The following NCKAP5 variants were observed in gnomAD, a reference collection of about 807,000 sequenced individuals.
NCKAP5 encodes nck-associated protein 5.
NCKAP5 carries 92 observed loss-of-function variants against 167.0 expected under a neutral mutation model. The observed-to-expected ratio is 0.55, with a 90% CI of 0.47 to 0.66. The LOEUF is 0.66. Ranked by LOEUF, NCKAP5 falls within the 30% of genes least tolerant of loss-of-function variation. NCKAP5 has a pLI of 0.00. For synonymous variants in NCKAP5, 891 were observed against 877.4 expected, an observed-to-expected ratio of 1.02 and a Z score of -0.27; for missense variants, 2,378 against 2,315.0, an observed-to-expected ratio of 1.03 and a Z score of -0.56.
At chr2:133,363,692 T>C (rs937312277) in intron 3 of NCKAP5, among the ~76,000 whole-genome samples, 8 of 152,176 alleles carry the variant, frequency 5.3e-5, no homozygotes, top group African/African-American at 1.9e-4. Flanking sequence ...AATATTTTCA[T>C]GTTAAAGACA....
At chr2:133,220,133 C>A (rs142858127) in intron 4 of NCKAP5, among the ~76,000 whole-genome samples, 1 of 152,304 alleles carries the variant, frequency 6.6e-6, no homozygotes, top group East Asian at 1.9e-4. Context: ...ACCCTTGCTC[C>A]CATTTAAAGG....
At chr2:132,690,548 C>T (rs549118520) in intron 19 of NCKAP5, among the ~76,000 whole-genome samples, 1 of 152,172 alleles carries the variant, frequency 6.6e-6, no homozygotes, top group African/African-American at 2.4e-5. Flanking sequence ...TTGCTTGTAT[C>T]AATTAGCCTC....
chr2:133,447,427 T>C (rs1202624755), intron 3 of NCKAP5, among the ~76,000 whole-genome samples: 1 of 150,760 alleles, frequency 6.6e-6, no homozygotes, highest in Non-Finnish European at 1.5e-5. Flanking sequence ...CTTCCCTTTC[T>C]TTTTATTTCC....
intron 2 of NCKAP5, among the ~76,000 whole-genome samples, chr2:133,528,342 TGTAG>T (rs563144469): frequency 1.5e-4 from 23 of 151,188 alleles, no homozygotes; most frequent in African/African-American, 5.6e-4. Context: ...TTTTCCCATG[TGTAG>T]GTTGTTTCTT....
At chr2:133,652,879 T>C in the NCKAP5 span, among the ~76,000 whole-genome samples, 1 of 152,250 alleles carries the variant, frequency 6.6e-6, no homozygotes, top group Non-Finnish European at 1.5e-5. Flanking sequence ...ACACTGACTT[T>C]GTTCTATCCC....
At chr2:133,192,583 C>T (rs561542901) in intron 5 of NCKAP5, among the ~76,000 whole-genome samples, 44 of 151,724 alleles carry the variant, frequency 2.9e-4, no homozygotes, top group African/African-American at 1.0e-3. Flanking sequence ...AATTAGAAAA[C>T]GGGCAAAAAG....
chr2:133,542,800 T>C (rs967195004), intron 2 of NCKAP5, among the ~76,000 whole-genome samples: 1 of 152,218 alleles, frequency 6.6e-6, no homozygotes, highest in African/African-American at 2.4e-5. Flanking sequence ...GAAGGTCTTC[T>C]ACTTCTGGTG....
chr2:133,215,873 G>GA (rs2086406133), intron 4 of NCKAP5, among the ~76,000 whole-genome samples: 1 of 152,080 alleles, frequency 6.6e-6, no homozygotes, highest in South Asian at 2.1e-4. Flanking sequence ...TTTCTAAGTA[G>GA]AAAATCTGAT....
chr2:133,528,039 T>C (rs1430183020), intron 2 of NCKAP5, among the ~76,000 whole-genome samples: 2 of 152,188 alleles, frequency 1.3e-5, no homozygotes, highest in Admixed American at 6.5e-5. Flanking sequence ...CACTCCAGCC[T>C]GGGTGACAGT....
chr2:132,996,848 T>C (rs907296012), intron 6 of NCKAP5, among the ~76,000 whole-genome samples: 12 of 152,242 alleles, frequency 7.9e-5, no homozygotes, highest in Admixed American at 3.3e-4. Context: ...ACCTTGTCAT[T>C]GGGGCCCACC....
rs141929437 is a variant in NCKAP5 at position 133,258,961 on chromosome 2, G to C, written c.143+44076C>G. On this transcript the variant is annotated intron_variant, in intron 4 of 19. Transcript: ENST00000409261. ...CAGAACTAGCCTTCCAGAAAGAGGG[G>C]TCTTGGGAAATGCTGGCCCAAAAGG... Among the ~76,000 whole-genome samples, 246 of 152,214 alleles carry C rather than the reference G, an allele frequency of 1.6e-3. 1 individual carries two copies. The highest frequency in any genetic ancestry group is 5.7e-3 in the African/African-American group (237 of 41,532).
intron 3 of NCKAP5, among the ~76,000 whole-genome samples, chr2:133,513,763 T>C (rs1285221736): frequency 5.3e-5 from 8 of 152,252 alleles, no homozygotes; most frequent in Admixed American, 4.6e-4. Flanking sequence ...CTTCCTTTTG[T>C]GGGGGAGAAG....
chr2:133,106,348 G>C (rs1187049963), intron 6 of NCKAP5, among the ~76,000 whole-genome samples: 2 of 150,484 alleles, frequency 1.3e-5, no homozygotes, highest in Non-Finnish European at 3.0e-5. Flanking sequence ...TAGAGAAGAA[G>C]AGCATTAAGT....
chr2:133,602,931 A>C, the NCKAP5 span, among the ~76,000 whole-genome samples: 3 of 152,158 alleles, frequency 2.0e-5, no homozygotes, highest in South Asian at 6.2e-4. Context: ...ATGACTGAAA[A>C]TTTGTAGTCA....
At chr2:133,642,753 C>A in the NCKAP5 span, among the ~76,000 whole-genome samples, 28 of 152,306 alleles carry the variant, frequency 1.8e-4, no homozygotes, top group East Asian at 5.4e-3. Flanking sequence ...AGTGAGAAAT[C>A]CAACTGCAGA....
At chr2:133,123,416 C>A (rs1293061797) in intron 6 of NCKAP5, 1 of 185,656 alleles carries the variant, frequency 5.4e-6, no homozygotes, top group African/African-American at 2.3e-5. Flanking sequence ...GTTATCCAGG[C>A]ATTTTAAAAG....
chr2:132,958,648 ACTT>A (rs1187130655), intron 8 of NCKAP5, among the ~76,000 whole-genome samples: 26 of 152,080 alleles, frequency 1.7e-4, no homozygotes, highest in Non-Finnish European at 2.9e-5. Context: ...CCCAGGACAG[ACTT>A]CTTATTTCTG....
At chr2:132,715,021 T>C in intron 19 of NCKAP5, 1 of 396,952 alleles carries the variant, frequency 2.5e-6, no homozygotes, top group South Asian at 1.9e-5. Flanking sequence ...CTCATCTCCT[T>C]GGTTGTATAG....
At chr2:132,706,940 A>T (rs866713583) in intron 19 of NCKAP5, among the ~76,000 whole-genome samples, 15 of 152,216 alleles carry the variant, frequency 9.9e-5, no homozygotes, top group Admixed American at 3.3e-4. Context: ...TAAAAAGAAC[A>T]TAAGAAGCTG....
Sources: gnomAD v4.1 joint callset for allele counts (sites outside exome capture counted in the v4.1 genomes callset) on GRCh38, gnomAD v4.1.1 for gene constraint, MANE v1.5 for transcripts, NCBI Gene and HGNC (gene_info 2026-07-23, HGNC 2026-07-21) for gene names.